Variants in C5 observed in about 807,000 individuals in gnomAD.
C5 encodes the protein C3 and PZP-like alpha-2-macroglobulin domain-containing protein 4.
In C5, 140 loss-of-function variants were observed where a neutral mutation model predicts 218.8. The ratio of observed to expected loss-of-function variants is 0.64; its 90% CI spans 0.56 to 0.74. The LOEUF is 0.74. Among genes scored for constraint, C5 ranks in the 30% least tolerant of loss-of-function variants. C5 has a pLI of 0.00. For missense variants in C5, 1,700 were observed against 1,969.6 expected (o/e 0.86, Z 2.59); for synonymous variants, 614 against 682.3 (o/e 0.90, Z 1.56).
chr9:121,073,369 G>T, the C5 span, among the ~76,000 whole-genome samples: 2 of 152,064 alleles, frequency 1.3e-5, no homozygotes, highest in Non-Finnish European at 2.9e-5. Context: ...CTCTTCTTTT[G>T]GGCGTAGAAA....
At chr9:120,976,601 T>C (rs2046954787) in intron 29 of C5, 99 bp downstream of exon 29, 5 of 932,788 alleles carry the variant, frequency 5.4e-6, no homozygotes, top group Non-Finnish European at 8.9e-6. Flanking sequence ...ATCTATTGCA[T>C]GCTCATTTGG....
At chr9:120,985,978 G>A (rs2047029844) in intron 25 of C5, among the ~76,000 whole-genome samples, 1 of 152,106 alleles carries the variant, frequency 6.6e-6, no homozygotes, top group Admixed American at 6.6e-5. Context: ...ATAATAATCA[G>A]AACAAGACAT....
At position 121,011,420 on chromosome 9, in the gene C5, A is replaced by G. The variant is rs945550602; in HGVS notation, c.2257+2453T>C. On this transcript the variant is annotated intron_variant, in intron 17 of 40. Coordinates refer to ENST00000223642, the MANE Select transcript of C5 (RefSeq NM_001735.3). The stretch of plus-strand genomic sequence containing the variant: ...CCAGAGAAATGCAATCAAAGCTACA[A>G]TGAAATATCATCTCATCTCAGTTAA... Among the ~76,000 whole-genome samples the G allele has an allele frequency of 1.6e-4, 25 of 152,216 alleles. 1 individual carries two copies. Among genetic ancestry groups the G allele is most frequent in the African/African-American group, 4.8e-4 (20 of 41,458 alleles).
chr9:120,981,904 T>A lies in C5; in HGVS notation c.3426A>T (p.Leu1142Phe), dbSNP rs887294548. The change falls in exon 27 of 41, where the codon TTA becomes TTT. Residue 1142 changes from leucine (L) to phenylalanine (F), a missense_variant. Transcript: ENST00000223642. ...TLPVEARENSLYLTAFTVIGI... is the reference protein window; with the variant it reads ...TLPVEARENSFYLTAFTVIGI... ...CAATCACAGTAAAGGCTGTAAGATA[T>A]AAGCTGTTCTCTCGGGCTTCAACAG... is the stretch of plus-strand genomic sequence containing the variant. The A allele has an allele frequency of 6.2e-7, 1 of 1,613,982 alleles. No individual in the cohort carries two copies. The highest frequency in any genetic ancestry group is 1.7e-5 in the Admixed American group (1 of 60,010).
At position 120,953,881 on chromosome 9, in the gene C5, C is replaced by G. The variant is rs772165427; in HGVS notation, c.4763-13G>C. 4 of 1,613,560 alleles carry G rather than the reference C, an allele frequency of 2.5e-6. No homozygotes were observed. The highest frequency in any genetic ancestry group is 3.4e-6 in the Non-Finnish European group (4 of 1,179,640). ...GCAACAGCTTCCCCTGAGAGACATG[C>G]AAGTCAAGTAAGGTTATACCATTCA... On this transcript the variant is annotated splice_polypyrimidine_tract_variant and intron_variant, in intron 39 of 40. Coordinates refer to ENST00000223642, the MANE Select transcript of C5 (RefSeq NM_001735.3).
chr9:121,020,192 A>G lies in C5; in HGVS notation c.1303-13T>C, dbSNP rs369027597. On this transcript the variant is annotated splice_polypyrimidine_tract_variant and intron_variant, in intron 11 of 40. Coordinates refer to ENST00000223642, the MANE Select transcript of C5 (RefSeq NM_001735.3). ...CATCAGTTTTGACCTGAAAAGAGAA[A>G]TTTCAAAAAGACATGTATACTGTGA... 3 of 1,597,788 alleles carry G rather than the reference A, an allele frequency of 1.9e-6. No homozygotes were observed. The highest frequency in any genetic ancestry group is 2.6e-6 in the Non-Finnish European group (3 of 1,165,258).
At chr9:121,049,329 A>G (rs2047654107) in intron 1 of C5, among the ~76,000 whole-genome samples, 1 of 152,214 alleles carries the variant, frequency 6.6e-6, no homozygotes, top group African/African-American at 2.4e-5. Context: ...TCTAAGCCTT[A>G]GCTGCTCGTC....
At chr9:121,042,481 C>T (rs1587999143) in intron 3 of C5, among the ~76,000 whole-genome samples, 1 of 152,086 alleles carries the variant, frequency 6.6e-6, no homozygotes, top group Non-Finnish European at 1.5e-5. Flanking sequence ...TTTATTTTTC[C>T]AGTTTGGGGA....
chr9:121,017,898 CA>C (rs1180282079), intron 12 of C5, 46 bp from the exon 13 acceptor site: 1 of 1,235,250 alleles, frequency 8.1e-7, no homozygotes, highest in East Asian at 2.3e-5. Context: ...AATAAACAAA[CA>C]AAAACAAAAC....
Position 120,961,511 on chromosome 9 carries a change from C to T in C5, c.4559G>A (p.Cys1520Tyr), listed in dbSNP as rs2046827170. Residue 1520 changes from cysteine to tyrosine, a missense_variant, in exon 37 of 41, where the codon TGT (cysteine) becomes TAT (tyrosine). Physicochemically the swap from Cys to Tyr is radical, Grantham distance 194 (BLOSUM62 -2). Transcript: ENST00000223642. ...STSNIKIQKV[C>Y]EGAACKCVEA... is the part of the protein sequence containing the mutation. ...TACACACTTGCACGCGGCTCCTTCA[C>T]AGACTTTCTGAATTTTGATATTGGA... The T allele has an allele frequency of 6.2e-7, 1 of 1,613,198 alleles. No individual in the cohort carries two copies.
chr9:120,956,529 T>C (rs1000490752), intron 39 of C5, among the ~76,000 whole-genome samples: 4 of 152,156 alleles, frequency 2.6e-5, no homozygotes, highest in Admixed American at 1.3e-4. Flanking sequence ...GCTATTCCTA[T>C]CATTTTTCAT....
intron 6 of C5, 68 bp downstream of exon 6, chr9:121,032,044 CA>C: frequency 1.1e-6 from 1 of 914,292 alleles, no homozygotes; most frequent in South Asian, 1.3e-5. Flanking sequence ...GCCTGGGCAA[CA>C]GAGCGAGACT....
chr9:121,060,400 C>T, the C5 span, among the ~76,000 whole-genome samples: 22 of 152,162 alleles, frequency 1.4e-4, no homozygotes, highest in Non-Finnish European at 2.9e-4. Flanking sequence ...AGCTGCTTTG[C>T]CTTCTTCTTA....
Position 121,016,312 on chromosome 9 carries a change from G to T in C5, c.1938C>A (p.Phe646Leu), listed in dbSNP as rs543184008. Residue 646 changes from phenylalanine (F) to leucine (L), a missense_variant, in exon 15 of 41, where the codon TTC becomes TTA. Transcript: ENST00000223642. Reference protein sequence around the residue: ...AGGGLNNANVFHLAGLTFLTN... With the variant: ...AGGGLNNANVLHLAGLTFLTN... ...TGAGGAAGGTAAGTCCAGCTAGGTG[G>T]AACACATTGGCATTGTTGAGGCCAC... 1.2e-6 allele frequency: 2 copies of T among 1,613,992 alleles called. No individual in the cohort carries two copies. Among genetic ancestry groups the T allele is most frequent in the Admixed American group, 1.7e-5 (1 of 60,000 alleles).
chr9:121,030,269 A>G (rs2047462474), intron 7 of C5, 128 bp downstream of exon 7: 2 of 597,934 alleles, frequency 3.3e-6, no homozygotes, highest in South Asian at 2.1e-5. Context: ...TCCTTTATCA[A>G]TTAGTCCCCA....
At chr9:121,052,015 G>A (rs957249537), upstream of C5, among the ~76,000 whole-genome samples, 18 of 152,166 alleles carry the variant, frequency 1.2e-4, no homozygotes, top group Admixed American at 1.3e-4. Flanking sequence ...ACCAATATTT[G>A]CAAGCCATTG....
chr9:121,000,744 C>T (rs894910381), intron 20 of C5, among the ~76,000 whole-genome samples: 14 of 152,144 alleles, frequency 9.2e-5, no homozygotes, highest in African/African-American at 3.1e-4. Flanking sequence ...AATGGCGTGT[C>T]GCAGAGGTTT....
chr9:121,029,219 GGTCA>G (rs2047452581), intron 7 of C5, among the ~76,000 whole-genome samples: 1 of 152,106 alleles, frequency 6.6e-6, no homozygotes, highest in Admixed American at 6.5e-5. Flanking sequence ...CATTATAGGA[GGTCA>G]GTTTCTATAA....
At chr9:121,032,569 C>T (rs1282417357) in intron 5 of C5, among the ~76,000 whole-genome samples, 1 of 152,126 alleles carries the variant, frequency 6.6e-6, no homozygotes, top group Non-Finnish European at 1.5e-5. Context: ...AATAACGTCT[C>T]TAGAAACATA....
Sources: allele counts gnomAD v4.1 joint callset (sites outside exome capture counted in the v4.1 genomes callset), GRCh38; gene constraint gnomAD v4.1.1; transcripts MANE v1.5; gene names NCBI Gene and HGNC (gene_info 2026-07-23, HGNC 2026-07-21).